Variants in ABCB7 observed in about 807,000 individuals in gnomAD.
ABCB7 encodes ATP binding cassette subfamily B member 7.
A neutral mutation model predicts 54.4 loss-of-function variants in ABCB7; 7 were observed. That is an observed-to-expected ratio of 0.13 (90% CI 0.07 to 0.24). The LOEUF (loss-of-function observed/expected upper bound fraction) is 0.24. Among genes scored for constraint, ABCB7 ranks in the 10% least tolerant of loss-of-function variants. ABCB7 has a pLI of 1.00. For synonymous variants in ABCB7, 218 were observed against 207.1 expected (o/e 1.05, Z -0.45); for missense variants, 356 against 570.4 (o/e 0.62, Z 3.83).
chrX:75,107,903 C>A (rs987825818), intron 3 of ABCB7, among the ~76,000 whole-genome samples: 9 of 110,459 alleles, frequency 8.1e-5, no homozygotes, highest in African/African-American at 3.0e-4. Flanking sequence ...CTGGATGGTA[C>A]CGGATTATAG....
At chrX:75,071,422 A>G in intron 9 of ABCB7, 87 bp downstream of exon 9, 1 of 1,051,654 alleles carries the variant, frequency 9.5e-7, no homozygotes, top group East Asian at 3.0e-5. Context: ...ATCCTTTATA[A>G]TTAAGATAAG....
chrX:75,057,165 T>C (rs1210630362), intron 15 of ABCB7, among the ~76,000 whole-genome samples: 1 of 111,990 alleles, frequency 8.9e-6, no homozygotes, highest in African/African-American at 3.2e-5. Flanking sequence ...CTTTTCCGTA[T>C]CTCTTCTAAC....
intron 1 of ABCB7, among the ~76,000 whole-genome samples, chrX:75,155,658 T>TTA (rs1299035076): frequency 1.8e-5 from 2 of 111,653 alleles, no homozygotes; most frequent in African/African-American, 6.5e-5. Flanking sequence ...CGCCACCTGT[T>TTA]TATAGATAGC....
chrX:75,145,698 A>G lies in ABCB7; in HGVS notation c.168+10407T>C, dbSNP rs532002975. Among the ~76,000 whole-genome samples the G allele has an allele frequency of 3.6e-5, 4 of 111,864 alleles. No individual in the cohort carries two copies. The South Asian group carries it at 1.5e-3, about 42-fold the overall frequency. On this transcript the variant is annotated intron_variant, in intron 1 of 15. Coordinates refer to ENST00000373394, the MANE Select transcript of ABCB7 (RefSeq NM_001271696.3). ...GCACAAGACAAGGATGCCCTCTCTC[A>G]CCACTCCTATTCAACACAGTATTGG...
intron 1 of ABCB7, among the ~76,000 whole-genome samples, chrX:75,140,341 G>A (rs2082045151): frequency 2.7e-5 from 3 of 110,952 alleles, no homozygotes; most frequent in African/African-American, 9.9e-5. Context: ...GAGGCAGGAG[G>A]ATACTTTGAG....
At chrX:75,082,943 T>A (rs779842806) in intron 4 of ABCB7, among the ~76,000 whole-genome samples, 1 of 111,236 alleles carries the variant, frequency 9.0e-6, no homozygotes, top group Non-Finnish European at 1.9e-5. Flanking sequence ...AGAAAACACA[T>A]AATAAAATGG....
At chrX:75,141,785 G>A (rs2082055933) in intron 1 of ABCB7, among the ~76,000 whole-genome samples, 1 of 111,011 alleles carries the variant, frequency 9.0e-6, no homozygotes, top group Non-Finnish European at 1.9e-5. Context: ...CAGAAAGGGG[G>A]CTGATTTCAG....
intron 12 of ABCB7, 107 bp downstream of exon 12, chrX:75,068,900 G>T: frequency 1.1e-6 from 1 of 934,165 alleles, no homozygotes; most frequent in Non-Finnish European, 1.5e-6. Flanking sequence ...GTCTAATACT[G>T]ACTACTTCAG....
intron 1 of ABCB7, among the ~76,000 whole-genome samples, chrX:75,115,978 G>A (rs1042971661): frequency 9.0e-6 from 1 of 111,168 alleles, no homozygotes; most frequent in African/African-American, 3.3e-5. Context: ...AGGCCCTGAA[G>A]GAAATCAAAG....
intron 4 of ABCB7, among the ~76,000 whole-genome samples, chrX:75,085,704 A>G (rs1318471568): frequency 9.0e-6 from 1 of 111,441 alleles, no homozygotes; most frequent in Non-Finnish European, 1.9e-5. Flanking sequence ...ATAAAAATCA[A>G]CCCAATATGA....
chrX:75,155,063 G>A (rs891058747), intron 1 of ABCB7, among the ~76,000 whole-genome samples: 18 of 112,037 alleles, frequency 1.6e-4, no homozygotes, highest in African/African-American at 5.5e-4. Flanking sequence ...AGCCTTTATT[G>A]TACATACTAT....
At chrX:75,129,087 C>T (rs2081955755) in intron 1 of ABCB7, among the ~76,000 whole-genome samples, 1 of 111,745 alleles carries the variant, frequency 8.9e-6, no homozygotes, top group Non-Finnish European at 1.9e-5. Flanking sequence ...CCAGCAATCC[C>T]ATTACTGAGT....
chrX:75,152,427 A>G (rs2082138211), intron 1 of ABCB7, among the ~76,000 whole-genome samples: 1 of 112,168 alleles, frequency 8.9e-6, no homozygotes, highest in Non-Finnish European at 1.9e-5. Context: ...TAAATCTGTC[A>G]GCACCTTGAA....
At chrX:75,129,314 G>A (rs1421400732) in intron 1 of ABCB7, among the ~76,000 whole-genome samples, 3 of 110,778 alleles carry the variant, frequency 2.7e-5, no homozygotes, top group African/African-American at 9.9e-5. Context: ...GATGAAGCTG[G>A]AAACCATCAT....
At position 75,156,228 on chromosome X, in the gene ABCB7, C is replaced by A. The variant is rs1273386718; in HGVS notation, c.45G>T (p.Ala15=). 6 of 1,202,950 alleles carry A rather than the reference C, an allele frequency of 5.0e-6. No individual in the cohort carries two copies. Among genetic ancestry groups the A allele is most frequent in the Non-Finnish European group, 6.7e-6 (6 of 891,987 alleles). Residue 15 remains alanine, a synonymous_variant, in exon 1 of 16, where the codon GCG becomes GCT. Coordinates refer to ENST00000373394, the MANE Select transcript of ABCB7 (RefSeq NM_001271696.3). The stretch of plus-strand genomic sequence containing the variant: ...AGTGCCGGCGCTTTTCGAAAGCAGC[C>A]GCCGCGGCCGCCCAGCGCCAAGAAT... The part of the protein sequence containing the change: ...AMHSWRWAAA[A]AAFEKRRHSA...
intron 2 of ABCB7, 77 bp from the exon 3 acceptor site, chrX:75,113,049 T>G: frequency 1.1e-6 from 1 of 876,823 alleles, no homozygotes; most frequent in Admixed American, 2.2e-5. Context: ...TTGAACAGTC[T>G]AATCTAATGA....
At chrX:75,154,139 C>G (rs947709124) in intron 1 of ABCB7, among the ~76,000 whole-genome samples, 1 of 110,986 alleles carries the variant, frequency 9.0e-6, no homozygotes, top group Non-Finnish European at 1.9e-5. Flanking sequence ...CTTTAAGAAA[C>G]AGAAAACAAA....
At chrX:75,071,376 G>C (rs991881996) in intron 9 of ABCB7, 133 bp downstream of exon 9, 2 of 736,543 alleles carry the variant, frequency 2.7e-6, no homozygotes, top group African/African-American at 2.1e-5. Context: ...TTCTGATACA[G>C]AGAAAAGTAC....
Position 75,133,216 on chromosome X carries a change from C to G in ABCB7, c.169-18385G>C, listed in dbSNP as rs144045647. On this transcript the variant is annotated intron_variant, in intron 1 of 15. Coordinates refer to ENST00000373394, the MANE Select transcript of ABCB7 (RefSeq NM_001271696.3). Reference sequence around the variant, plus strand: ...GGGGAGTATTAACAGCAGAATGAATCAAGCTGAGGAAAGAATCTCAAAGCT... The same window carrying G: ...GGGGAGTATTAACAGCAGAATGAATGAAGCTGAGGAAAGAATCTCAAAGCT... 1.4e-4 allele frequency among the ~76,000 whole-genome samples: 16 copies of G among 111,968 alleles called. No homozygotes were observed. In the East Asian group the frequency reaches 4.2e-3, roughly 29 times the overall value.
Sources: allele counts gnomAD v4.1 joint callset (sites outside exome capture counted in the v4.1 genomes callset), GRCh38; gene constraint gnomAD v4.1.1; transcripts MANE v1.5; gene names NCBI Gene and HGNC (gene_info 2026-07-23, HGNC 2026-07-21).